Variants in HKDC1 observed in about 807,000 individuals in gnomAD.
HKDC1 encodes hexokinase HKDC1.
Under a neutral mutation model 96.6 loss-of-function variants are expected in HKDC1, and 66 were observed. The ratio of observed to expected loss-of-function variants is 0.68; its 90% CI spans 0.56 to 0.84. HKDC1 has a LOEUF of 0.84. Ranked by LOEUF, HKDC1 falls within the 40% of genes least tolerant of loss-of-function variation. The pLI is 0.00. For missense variants in HKDC1, 1,211 were observed against 1,208.1 expected, an observed-to-expected ratio of 1.00 and a Z score of -0.04; for synonymous variants, 466 against 473.1, an observed-to-expected ratio of 0.98 and a Z score of 0.20.
At chr10:69,259,797 A>T (rs1418999440) in intron 15 of HKDC1, among the ~76,000 whole-genome samples, 1 of 152,082 alleles carries the variant, frequency 6.6e-6, no homozygotes, top group Non-Finnish European at 1.5e-5. Flanking sequence ...AAATAACCAG[A>T]TCTTGTGAGA....
intron 5 of HKDC1, among the ~76,000 whole-genome samples, chr10:69,240,152 C>T (rs1481015053): frequency 6.6e-6 from 1 of 152,032 alleles, no homozygotes; most frequent in African/African-American, 2.4e-5. Flanking sequence ...CAGGATCTCA[C>T]AAACAAAGGC....
intron 7 of HKDC1, 145 bp downstream of exon 7, chr10:69,243,510 T>TC: frequency 1.3e-6 from 1 of 773,218 alleles, no homozygotes; most frequent in Non-Finnish European, 1.9e-6. Flanking sequence ...TTTTTTTTTT[T>TC]TTTTGAGATG....
chr10:69,267,430 G>A lies in HKDC1; in HGVS notation c.*673G>A, dbSNP rs1355265427. 2.2e-6 allele frequency: 1 copy of A among 453,526 alleles called. No individual in the cohort carries two copies. The highest frequency in any genetic ancestry group is 6.9e-5 in the East Asian group (1 of 14,398). 28.1% of individuals were successfully genotyped at this position (453,526 alleles called of 1,614,324 possible). On this transcript the variant is annotated 3_prime_UTR_variant, in exon 18 of 18. Coordinates refer to ENST00000354624, the MANE Select transcript of HKDC1 (RefSeq NM_025130.4). The stretch of plus-strand genomic sequence containing the variant: ...AGTGTGTGCCATGTGGTGGGGTGCT[G>A]TCTGGGGCATCTGTTTTTCATTTTG...
chr10:69,222,150 C>A (rs187199546), intron 1 of HKDC1, among the ~76,000 whole-genome samples: 1,891 of 151,954 alleles, frequency 0.012, 11 homozygotes, highest in Middle Eastern at 0.027. Context: ...TGAACCCGGG[C>A]AGCAGAGGTT....
intron 2 of HKDC1, 167 bp from the exon 3 acceptor site, chr10:69,232,597 C>G: frequency 1.5e-6 from 1 of 661,918 alleles, no homozygotes; most frequent in Middle Eastern, 4.2e-4. Context: ...CGCCTTACCT[C>G]GAGGGCTCTG....
chr10:69,262,313 A>G (rs1350409851), intron 16 of HKDC1, among the ~76,000 whole-genome samples: 1 of 152,202 alleles, frequency 6.6e-6, no homozygotes, highest in Non-Finnish European at 1.5e-5. Context: ...GAGTAACACC[A>G]TAGTTTTTCT....
At chr10:69,264,936 T>C (rs1487638691) in intron 16 of HKDC1, among the ~76,000 whole-genome samples, 2 of 152,218 alleles carry the variant, frequency 1.3e-5, no homozygotes, top group Admixed American at 6.5e-5. Context: ...GGTGTTTCTC[T>C]GCATGTGTTT....
intron 10 of HKDC1, chr10:69,249,000 AGT>A: frequency 2.9e-6 from 1 of 344,248 alleles, no homozygotes; most frequent in South Asian, 6.8e-5. Flanking sequence ...TGAGAACATG[AGT>A]GTACCCCCCC....
At position 69,261,258 on chromosome 10, in the gene HKDC1, G is replaced by T; in HGVS notation, c.2336G>T (p.Gly779Val). 6.2e-7 allele frequency: 1 copy of T among 1,614,118 alleles called. No homozygotes were observed. The highest frequency in any genetic ancestry group is 8.5e-7 in the Non-Finnish European group (1 of 1,179,980). Residue 779 changes from glycine (G) to valine (V), a missense_variant, in exon 16 of 18, where the codon GGC becomes GTC. Gly to Val is a moderately radical substitution (Grantham distance 109, BLOSUM62 -3). Coordinates refer to ENST00000354624, the MANE Select transcript of HKDC1 (RefSeq NM_025130.4). ...GQISERLRTR[G>V]IFETKFLSQI... ...ATTTCAGAGCGTCTCCGGACCAGGG[G>T]CATCTTCGAAACCAAGTTCCTGTCC...
intron 7 of HKDC1, 75 bp downstream of exon 7, chr10:69,243,440 G>T: frequency 7.6e-7 from 1 of 1,315,506 alleles, no homozygotes; most frequent in Non-Finnish European, 1.0e-6. Flanking sequence ...TGGCTACCTG[G>T]GAGGCTTTCC....
chr10:69,257,091 A>G lies in HKDC1; in HGVS notation c.1892A>G (p.Asp631Gly), dbSNP rs201377991. ...GFKATDCEGE[D>G]VVDMLREAIK... ...AAGGCCACTGACTGTGAAGGGGAGG[A>G]CGTGGTGGACATGCTCAGGGAAGCC... Residue 631 changes from aspartate to glycine, a missense_variant, in exon 13 of 18, where the codon GAC becomes GGC. Physicochemically the swap from Asp to Gly is moderately conservative, Grantham distance 94. Transcript: ENST00000354624. 8.2e-5 allele frequency: 132 copies of G among 1,613,908 alleles called. No individual in the cohort carries two copies. The highest frequency in any genetic ancestry group is 1.7e-4 in the Middle Eastern group (1 of 6,048).
rs777627985 is a variant in HKDC1 at position 69,232,812 on chromosome 10, T to C, written c.275T>C (p.Val92Ala). 20 of 1,613,758 alleles carry C rather than the reference T, an allele frequency of 1.2e-5. No homozygotes were observed. The highest frequency in any genetic ancestry group is 2.7e-5 in the African/African-American group (2 of 74,796). Residue 92 changes from valine (V) to alanine (A), a missense_variant, in exon 3 of 18, where the codon GTG (valine) becomes GCG (alanine). By Grantham distance (64) the Val-to-Ala change is moderately conservative (BLOSUM62 0). Transcript: ENST00000354624. ...GATCTCGGAGGGTCCAAGTTCCGAG[T>C]GCTGAAGGTGCAAGTCGCTGAAGAG... The part of the protein sequence containing the change: ...SLDLGGSKFR[V>A]LKVQVAEEGK...
chr10:69,251,852 C>T (rs1278198806), intron 12 of HKDC1, among the ~76,000 whole-genome samples: 10 of 151,674 alleles, frequency 6.6e-5, no homozygotes, highest in Admixed American at 2.6e-4. Flanking sequence ...CTCTGCCTCC[C>T]GGGTTCAAGT....
chr10:69,252,973 CGT>C (rs57083436), intron 12 of HKDC1, among the ~76,000 whole-genome samples: 33,462 of 139,858 alleles, frequency 0.24, 3,957 homozygotes, highest in Middle Eastern at 0.39. Context: ...CATCTCTAAA[CGT>C]GTGTGTGTGT....
At position 69,250,564 on chromosome 10, in the gene HKDC1, A is replaced by G; in HGVS notation, c.1748A>G (p.Asp583Gly). ...GATCACATTGTGCAGTGCATCGCCG[A>G]CTTCCTGGACTACATGGGCCTCAAG... ...LFDHIVQCIA[D>G]FLDYMGLKGA... is the part of the protein sequence containing the mutation. The change falls in exon 12 of 18, where the codon GAC becomes GGC. Residue 583 changes from aspartate to glycine, a missense_variant. Coordinates refer to ENST00000354624, the MANE Select transcript of HKDC1 (RefSeq NM_025130.4). 1 of 1,614,024 alleles carries G rather than the reference A, an allele frequency of 6.2e-7. No homozygotes were observed. Among genetic ancestry groups the G allele is most frequent in the Non-Finnish European group, 8.5e-7 (1 of 1,180,016 alleles).
intron 6 of HKDC1, among the ~76,000 whole-genome samples, chr10:69,242,965 A>T (rs548565711): frequency 8.5e-5 from 13 of 152,190 alleles, no homozygotes; most frequent in Middle Eastern, 3.4e-3. Flanking sequence ...AGAACAGCAA[A>T]CCCTGAGCAC....
intron 2 of HKDC1, among the ~76,000 whole-genome samples, chr10:69,228,683 T>C (rs1163981413): frequency 6.6e-6 from 1 of 152,008 alleles, no homozygotes; most frequent in East Asian, 1.9e-4. Flanking sequence ...CTGGCCAACA[T>C]GGTGAAACTC....
At chr10:69,230,757 G>C (rs1246475423) in intron 2 of HKDC1, among the ~76,000 whole-genome samples, 1 of 152,158 alleles carries the variant, frequency 6.6e-6, no homozygotes, top group Non-Finnish European at 1.5e-5. Flanking sequence ...GGGACTACAG[G>C]TGCATGCCAC....
chr10:69,259,519 A>T (rs552962872), intron 15 of HKDC1, among the ~76,000 whole-genome samples: 1 of 152,326 alleles, frequency 6.6e-6, no homozygotes, highest in East Asian at 1.9e-4. Flanking sequence ...TTGCATTATG[A>T]TATTATGAGA....
Sources: gnomAD v4.1 joint callset for allele counts (sites outside exome capture counted in the v4.1 genomes callset) on GRCh38, gnomAD v4.1.1 for gene constraint, MANE v1.5 for transcripts, NCBI Gene and HGNC (gene_info 2026-07-23, HGNC 2026-07-21) for gene names.